The following ASAP2 variants were observed in gnomAD, a reference collection of about 807,000 sequenced individuals.
ASAP2 encodes ArfGAP with SH3 domain, ankyrin repeat and PH domain 2.
ASAP2 carries 45 observed loss-of-function variants against 131.4 expected under a neutral mutation model. That is an observed-to-expected ratio of 0.34 (90% confidence interval 0.27 to 0.44). The LOEUF is 0.44. ASAP2 is among the 20% of genes least tolerant of loss of function. The pLI, the probability that ASAP2 is intolerant of heterozygous loss-of-function variation, is 1.00. For missense variants in ASAP2, 1,011 were observed against 1,297.0 expected (o/e 0.78, Z 3.39); for synonymous variants, 510 against 503.0 (o/e 1.01, Z -0.19).
At chr2:9,301,659 C>CCCCTTTCAATGG (rs1668479994) in intron 3 of ASAP2, among the ~76,000 whole-genome samples, 1 of 152,146 alleles carries the variant, frequency 6.6e-6, no homozygotes, top group Non-Finnish European at 1.5e-5. Flanking sequence ...ACCCGCTCCA[C>CCCCTTTCAATGG]ATGAAGATCA....
Position 9,400,731 on chromosome 2 carries a change from T to C in ASAP2, c.2735-11T>C. ...TGGGATGTCTTAAGCTGCTTCATTT[T>C]TGCCCTACAGTGGATCTCTCTGCAA... On this transcript the variant is annotated splice_polypyrimidine_tract_variant and intron_variant, in intron 25 of 27. Coordinates refer to ENST00000281419, the MANE Select transcript of ASAP2 (RefSeq NM_003887.3). 1 of 1,608,918 alleles carries C rather than the reference T, an allele frequency of 6.2e-7. No homozygotes were observed.
chr2:9,246,485 T>A (rs924637789), intron 1 of ASAP2, among the ~76,000 whole-genome samples: 1 of 151,960 alleles, frequency 6.6e-6, no homozygotes, highest in Non-Finnish European at 1.5e-5. Context: ...AGAGACGGAG[T>A]ATCACCATAT....
chr2:9,277,918 G>T (rs1018695373), intron 1 of ASAP2, among the ~76,000 whole-genome samples: 2 of 152,202 alleles, frequency 1.3e-5, no homozygotes, highest in Non-Finnish European at 2.9e-5. Flanking sequence ...TATCATTGTG[G>T]CATTAGAACC....
Position 9,268,181 on chromosome 2 carries a change from C to G in ASAP2, c.127-11136C>G, listed in dbSNP as rs771465575. Among the ~76,000 whole-genome samples, 3 of 152,168 alleles carry G rather than the reference C, an allele frequency of 2.0e-5. No individual in the cohort carries two copies. Among genetic ancestry groups the G allele is most frequent in the South Asian group, 2.1e-4 (1 of 4,834 alleles). Reference sequence around the variant, plus strand: ...TGTTGTGGGGTAAGTTTGTTCTCTTCCGTTGCTGTGTAGCATTCTGTTGTA... The same window carrying G: ...TGTTGTGGGGTAAGTTTGTTCTCTTGCGTTGCTGTGTAGCATTCTGTTGTA... On this transcript the variant is annotated intron_variant, in intron 1 of 27. Coordinates refer to ENST00000281419, the MANE Select transcript of ASAP2 (RefSeq NM_003887.3). This position sits in a 1 kb window ranked among gnomAD's most constrained non-coding sequence, Gnocchi z 4.1.
At chr2:9,293,299 C>G (rs540664521) in intron 2 of ASAP2, among the ~76,000 whole-genome samples, 1 of 152,046 alleles carries the variant, frequency 6.6e-6, no homozygotes. Context: ...TGAGAAGAAA[C>G]GAAGTCTTGT....
rs1019473586 is a variant in ASAP2, at chr2:9,281,536, G to A, written c.199+2147G>A. Reference sequence around the variant, plus strand: ...TTCCTATTTCTAACCACCCCCAAGCGTCGTTTGCTAAAATGCAACCCCACT... The same window carrying A: ...TTCCTATTTCTAACCACCCCCAAGCATCGTTTGCTAAAATGCAACCCCACT... On this transcript the variant is annotated intron_variant, in intron 2 of 27. Transcript: ENST00000281419. This position sits in a 1 kb window ranked among gnomAD's most constrained non-coding sequence, Gnocchi z 4.0. Among the ~76,000 whole-genome samples, 2 of 152,120 alleles carry A rather than the reference G, an allele frequency of 1.3e-5. No individual in the cohort carries two copies. The highest frequency in any genetic ancestry group is 2.4e-5 in the African/African-American group (1 of 41,406).
chr2:9,264,982 G>A (rs1362658749), intron 1 of ASAP2, among the ~76,000 whole-genome samples: 1 of 151,924 alleles, frequency 6.6e-6, no homozygotes, highest in East Asian at 1.9e-4. Context: ...CAAAAAATTT[G>A]AAAATTAGCC....
chr2:9,330,680 T>A (rs546681726), intron 7 of ASAP2, among the ~76,000 whole-genome samples: 27 of 152,336 alleles, frequency 1.8e-4, no homozygotes, highest in Admixed American at 1.8e-3. Flanking sequence ...GCAAATTACT[T>A]CTACAGTTCT....
chr2:9,381,886 A>G (rs1397133771), intron 20 of ASAP2, among the ~76,000 whole-genome samples: 6 of 152,076 alleles, frequency 3.9e-5, no homozygotes, highest in Admixed American at 6.6e-5. Flanking sequence ...CCTGGGGGAG[A>G]AAAAAAAGAA....
intron 1 of ASAP2, among the ~76,000 whole-genome samples, chr2:9,227,757 G>T (rs763805993): frequency 1.3e-5 from 2 of 152,228 alleles, no homozygotes; most frequent in Non-Finnish European, 2.9e-5. Context: ...TAAGGTATTT[G>T]TGAGTACACG....
chr2:9,353,187 C>G (rs1158648500), intron 12 of ASAP2, among the ~76,000 whole-genome samples: 3 of 152,084 alleles, frequency 2.0e-5, no homozygotes, highest in Admixed American at 1.3e-4. Flanking sequence ...CTGTCTTCAC[C>G]CCTCTCAGAT....
chr2:9,265,670 C>T (rs1310312718), intron 1 of ASAP2, among the ~76,000 whole-genome samples: 2 of 152,098 alleles, frequency 1.3e-5, no homozygotes, highest in East Asian at 3.8e-4. Context: ...TATCACTTGT[C>T]TATCCTCTTT....
intron 1 of ASAP2, among the ~76,000 whole-genome samples, chr2:9,230,286 G>C (rs1210654382): frequency 6.6e-6 from 1 of 152,216 alleles, no homozygotes; most frequent in East Asian, 1.9e-4. Context: ...TGTTTGCTCA[G>C]GGTCTGGCCA....
intron 20 of ASAP2, among the ~76,000 whole-genome samples, chr2:9,384,810 G>A (rs11904728): frequency 0.15 from 22,364 of 152,214 alleles, 4,984 homozygotes; most frequent in African/African-American, 0.48. Flanking sequence ...AAGCTTCTTG[G>A]TGTCAGCATC....
At chr2:9,363,206 T>A (rs1673222910) in intron 15 of ASAP2, among the ~76,000 whole-genome samples, 1 of 152,200 alleles carries the variant, frequency 6.6e-6, no homozygotes, top group South Asian at 2.1e-4. Flanking sequence ...ATTGGTGGCA[T>A]TTAGGTTGAT....
chr2:9,340,807 G>A (rs1043748188), intron 9 of ASAP2, among the ~76,000 whole-genome samples: 3 of 152,170 alleles, frequency 2.0e-5, no homozygotes, highest in Non-Finnish European at 2.9e-5. Context: ...ATTCTGTGTT[G>A]GCCAGACCCA....
At chr2:9,312,327 T>TC (rs1226577268) in intron 3 of ASAP2, among the ~76,000 whole-genome samples, 4 of 152,072 alleles carry the variant, frequency 2.6e-5, no homozygotes, top group Non-Finnish European at 5.9e-5. Context: ...GAAACCAGAA[T>TC]CCCCCTCATT....
intron 16 of ASAP2, among the ~76,000 whole-genome samples, chr2:9,370,012 G>T (rs577484340): frequency 6.6e-6 from 1 of 152,218 alleles, no homozygotes; most frequent in African/African-American, 2.4e-5. Flanking sequence ...CTAATTTTTT[G>T]TATCTTTAGT....
chr2:9,270,947 T>A (rs10929571), intron 1 of ASAP2, among the ~76,000 whole-genome samples: 1 of 150,724 alleles, frequency 6.6e-6, no homozygotes, highest in Non-Finnish European at 1.5e-5. Flanking sequence ...TGCCCGCCAC[T>A]ACGCCCGGCT....
Sources: gnomAD v4.1 joint callset for allele counts (sites outside exome capture counted in the v4.1 genomes callset) on GRCh38, gnomAD v4.1.1 for gene constraint, Gnocchi (gnomAD v3.1) non-coding constraint, MANE v1.5 for transcripts, NCBI Gene and HGNC (gene_info 2026-07-23, HGNC 2026-07-21) for gene names.